The following AVEN variants were observed in gnomAD, a reference collection of about 807,000 sequenced individuals.
AVEN encodes apoptosis and caspase activation inhibitor, also known as cell death regulator Aven.
AVEN carries 41 observed loss-of-function variants against 38.1 expected under a neutral mutation model. That is an observed-to-expected ratio of 1.08 (90% CI 0.84 to 1.40). AVEN has a LOEUF of 1.40. AVEN is among the 40% of genes most tolerant of loss of function. The pLI is 0.00. For synonymous variants in AVEN, 206 were observed against 171.8 expected (o/e 1.20, Z -1.56); for missense variants, 605 against 438.8 (o/e 1.38, Z -3.38).
Position 34,073,527 on chromosome 15 carries a change from T to C in AVEN, n.720+909A>G, listed in dbSNP as rs1195404167. 1.2e-3 allele frequency among the ~76,000 whole-genome samples: 175 copies of C among 146,302 alleles called. 2 individuals carry two copies. The highest frequency in any genetic ancestry group is 7.2e-3 in the Admixed American group (106 of 14,724). Reference sequence around the variant, plus strand: ...CTTTTCTTTTCTTTTTTCTTTTTTTTTTTTTTTTTTGAGACGGAGTTTCGC... The same window carrying C: ...CTTTTCTTTTCTTTTTTCTTTTTTTCTTTTTTTTTTGAGACGGAGTTTCGC... On this transcript the variant is annotated intron_variant and non_coding_transcript_variant, in intron 1 of 11. Coordinates refer to the AVEN transcript ENST00000675287.
intron 2 of AVEN, among the ~76,000 whole-genome samples, chr15:33,882,580 T>G (rs57308544): frequency 0.072 from 10,594 of 146,816 alleles, 524 homozygotes; most frequent in South Asian, 0.15. Context: ...AAAATAGAAA[T>G]AAGGCTGGGT....
At chr15:33,863,204 C>T (rs1889126525), downstream of AVEN, among the ~76,000 whole-genome samples, 1 of 152,150 alleles carries the variant, frequency 6.6e-6, no homozygotes. Flanking sequence ...AGCCTCCCAC[C>T]TAAAATGGTG....
chr15:33,921,877 G>T (rs1893408041), intron 2 of AVEN, among the ~76,000 whole-genome samples: 1 of 152,114 alleles, frequency 6.6e-6, no homozygotes, highest in Non-Finnish European at 1.5e-5. Flanking sequence ...GGGAGAGATT[G>T]GGAAAAAATG....
At chr15:33,980,536 A>G (rs116003378) in intron 2 of AVEN, among the ~76,000 whole-genome samples, 1,527 of 152,290 alleles carry the variant, frequency 0.01, 29 homozygotes, top group African/African-American at 0.035. Flanking sequence ...CGAATATTAA[A>G]TATACATGTA....
downstream of AVEN, chr15:33,864,284 C>T (rs917468174): frequency 4.4e-6 from 4 of 919,330 alleles, no homozygotes; most frequent in Non-Finnish European, 5.0e-6. Context: ...CATACATGGC[C>T]CCATTAATCC....
intron 2 of AVEN, among the ~76,000 whole-genome samples, chr15:33,964,104 C>T (rs182850578): frequency 0.011 from 438 of 39,926 alleles, no homozygotes; most frequent in African/African-American, 0.015. Flanking sequence ...TAAGTCCTTA[C>T]TTAAAAAAAA....
At chr15:34,027,028 T>C (rs1898509711) in intron 1 of AVEN, among the ~76,000 whole-genome samples, 1 of 149,120 alleles carries the variant, frequency 6.7e-6, no homozygotes, top group Non-Finnish European at 1.5e-5. Flanking sequence ...TCCAGAATGA[T>C]AAAGACCTCT....
At chr15:34,019,129 C>A (rs57559713) in intron 1 of AVEN, among the ~76,000 whole-genome samples, 3,279 of 152,314 alleles carry the variant, frequency 0.022, 112 homozygotes, top group African/African-American at 0.073. Context: ...TCTAGCTAGA[C>A]AGAAAAGTTC....
Position 34,038,807 on chromosome 15 carries a change from TC to T in AVEN, c.239del (p.Gly80GlufsTer130). 8.4e-7 allele frequency: 1 copy of T among 1,192,292 alleles called. No individual in the cohort carries two copies. Among genetic ancestry groups the T allele is most frequent in the Non-Finnish European group, 1.0e-6 (1 of 962,088 alleles). 73.9% of individuals were successfully genotyped at this position (1,192,292 alleles called of 1,614,324 possible). On this transcript the variant is annotated frameshift_variant, in exon 1 of 6. Coordinates refer to ENST00000306730, the MANE Select transcript of AVEN (RefSeq NM_020371.3). LOFTEE classifies it high-confidence loss of function. ...GAPRGSRREP[G>X]GWGAGASAPV... is the part of the protein sequence containing the mutation. ...GCGCGCTGGCCCCTGCGCCCCAGCC[TC>T]CCGGCTCCCGGCGGCTGCCTCGCGG...
At position 33,881,425 on chromosome 15, in the gene AVEN, C is replaced by T. The variant is rs183733886; in HGVS notation, c.446-5430G>A. Among the ~76,000 whole-genome samples, 381 of 152,220 alleles carry T rather than the reference C, an allele frequency of 2.5e-3. 3 individuals carry two copies. Among genetic ancestry groups the T allele is most frequent in the African/African-American group, 8.8e-3 (366 of 41,532 alleles). ...TTATTATGTTTTAGATAAGGTCTCA[C>T]TCTGTCACCCAGACTGGAGTGCAGT... On this transcript the variant is annotated intron_variant, in intron 2 of 5. Coordinates refer to ENST00000306730, the MANE Select transcript of AVEN (RefSeq NM_020371.3).
intron 1 of AVEN, among the ~76,000 whole-genome samples, chr15:34,034,800 G>C (rs967467551): frequency 2.6e-5 from 4 of 152,196 alleles, no homozygotes; most frequent in African/African-American, 9.7e-5. Flanking sequence ...CAATTTCATG[G>C]ATTACCAAGA....
At chr15:33,912,952 C>T (rs922092820) in intron 2 of AVEN, among the ~76,000 whole-genome samples, 28 of 150,750 alleles carry the variant, frequency 1.9e-4, no homozygotes, top group African/African-American at 6.6e-4. Flanking sequence ...TGCAATGGCG[C>T]GATCTCGGCT....
chr15:33,936,377 T>C (rs541811166), intron 2 of AVEN, among the ~76,000 whole-genome samples: 1 of 152,284 alleles, frequency 6.6e-6, no homozygotes, highest in South Asian at 2.1e-4. Flanking sequence ...GCATAATTGA[T>C]AAGCAATCCT....
intron 2 of AVEN, among the ~76,000 whole-genome samples, chr15:33,990,496 A>G (rs895275393): frequency 6.6e-6 from 1 of 152,268 alleles, no homozygotes; most frequent in African/African-American, 2.4e-5. Flanking sequence ...GAGTATCTGG[A>G]ATACAACTTA....
rs368208931 is a variant in AVEN, at chr15:33,917,748, C to T, written c.446-41753G>A. Among the ~76,000 whole-genome samples, 67 of 152,188 alleles carry T rather than the reference C, an allele frequency of 4.4e-4. No homozygotes were observed. In the South Asian group the frequency reaches 8.1e-3, roughly 18 times the overall value. On this transcript the variant is annotated intron_variant, in intron 2 of 5. Coordinates refer to ENST00000306730, the MANE Select transcript of AVEN (RefSeq NM_020371.3). ...AGTAACTCAGGAATGGAAAACTAAA[C>T]GTCATATGTTCTCACTCATAAGTGG... is the stretch of plus-strand genomic sequence containing the variant.
chr15:33,978,224 G>A (rs1895972890), intron 2 of AVEN, among the ~76,000 whole-genome samples: 3 of 152,158 alleles, frequency 2.0e-5, no homozygotes, highest in Admixed American at 6.6e-5. Context: ...AAAGTGACAC[G>A]TATTACTAAT....
chr15:33,891,150 A>T (rs8028160), intron 2 of AVEN, among the ~76,000 whole-genome samples: 7 of 152,290 alleles, frequency 4.6e-5, no homozygotes, highest in African/African-American at 1.7e-4. Flanking sequence ...TGGCTTTTAA[A>T]CATTCCCCTT....
chr15:34,015,858 G>A (rs1897880679), intron 1 of AVEN, among the ~76,000 whole-genome samples: 1 of 152,244 alleles, frequency 6.6e-6, no homozygotes, highest in Non-Finnish European at 1.5e-5. Flanking sequence ...GCATGAAAGA[G>A]TAATTACCAT....
chr15:33,858,093 A>AAGACAGAAGTGATGGAGGTAGTTTTC, downstream of AVEN: 1 of 820,690 alleles, frequency 1.2e-6, no homozygotes, highest in Non-Finnish European at 1.8e-6. Context: ...GTGTCCTGGG[A>AAGACAGAAGTGATGGAGGTAGTTTTC]AGACAGAAGT....
Sources: allele counts gnomAD v4.1 joint callset (sites outside exome capture counted in the v4.1 genomes callset), GRCh38; gene constraint gnomAD v4.1.1; transcripts MANE v1.5; gene names NCBI Gene and HGNC (gene_info 2026-07-23, HGNC 2026-07-21).